CNTNAP3B: variants seen among roughly 807,000 people sequenced by gnomAD.
CNTNAP3B encodes the protein contactin associated protein family member 3B, also known as contactin-associated protein-like 3B.
CNTNAP3B carries 25 observed loss-of-function variants against 108.9 expected under a neutral mutation model. That is an observed-to-expected ratio of 0.23 (90% confidence interval 0.17 to 0.32). The LOEUF (loss-of-function observed/expected upper bound fraction) is 0.32, where lower values mean the gene tolerates loss of function less well. Ranked by LOEUF, CNTNAP3B falls within the 10% of genes least tolerant of loss-of-function variation. The pLI, the probability that CNTNAP3B is intolerant of heterozygous loss-of-function variation, is 1.00. For missense variants in CNTNAP3B, 252 were observed against 1,210.4 expected, an observed-to-expected ratio of 0.21 and a Z score of 11.75; for synonymous variants, 103 against 473.4, an observed-to-expected ratio of 0.22 and a Z score of 10.16.
intron 3 of CNTNAP3B, among the ~76,000 whole-genome samples, chr9:42,033,037 G>T (rs1826551457): frequency 1.4e-5 from 2 of 145,392 alleles, no homozygotes; most frequent in Non-Finnish European, 3.0e-5. Flanking sequence ...TGGAGGAACA[G>T]AATTCTGTCC....
At chr9:41,935,290 G>GA (rs1241108055) in intron 14 of CNTNAP3B, among the ~76,000 whole-genome samples, 15,551 of 145,512 alleles carry the variant, frequency 0.11, 79 homozygotes, top group East Asian at 0.21. Flanking sequence ...ACAACTTATG[G>GA]AAAAATGGCG....
chr9:42,042,563 T>C (rs1237122329), intron 3 of CNTNAP3B, among the ~76,000 whole-genome samples: 1 of 132,828 alleles, frequency 7.5e-6, no homozygotes, highest in Non-Finnish European at 1.6e-5. Context: ...TTAAACAATA[T>C]AGTATAACGA....
chr9:42,051,639 CTTAA>C (rs1328461198), intron 3 of CNTNAP3B, among the ~76,000 whole-genome samples: 2 of 105,918 alleles, frequency 1.9e-5, no homozygotes, highest in Non-Finnish European at 4.1e-5. Flanking sequence ...TTTGAGCTTG[CTTAA>C]TTAATTACTG....
At chr9:42,081,503 T>C (rs1827614535) in intron 2 of CNTNAP3B, among the ~76,000 whole-genome samples, 1 of 136,182 alleles carries the variant, frequency 7.3e-6, no homozygotes, top group South Asian at 2.4e-4. Flanking sequence ...TTTTCAAGCA[T>C]ATTATCATTT....
Position 42,043,029 on chromosome 9 carries a change from C to T in CNTNAP3B, c.391-29504G>A, listed in dbSNP as rs1470581416. Among the ~76,000 whole-genome samples the T allele has an allele frequency of 2.7e-5, 4 of 149,774 alleles. No individual in the cohort carries two copies. In the East Asian group the frequency reaches 7.8e-4, roughly 29 times the overall value. ...CATCATCATAGCTTATGTTTTTGAGCACTTCCCACATACTTCCTTAAGCCC... is the reference window on the plus strand; with the variant it reads ...CATCATCATAGCTTATGTTTTTGAGTACTTCCCACATACTTCCTTAAGCCC... On this transcript the variant is annotated intron_variant, in intron 3 of 23. Transcript: ENST00000377561.
intron 12 of CNTNAP3B, chr9:41,960,379 A>T (rs1243432191): frequency 3.6e-5 from 6 of 168,954 alleles, no homozygotes; most frequent in Non-Finnish European, 5.1e-5. Context: ...TGACATAAAA[A>T]TCACTAAATT....
intron 14 of CNTNAP3B, among the ~76,000 whole-genome samples, chr9:41,935,411 T>G (rs1238747008): frequency 1.3e-5 from 2 of 152,294 alleles, no homozygotes; most frequent in Non-Finnish European, 2.9e-5. Context: ...ATTATAAACT[T>G]TCCACCAGGA....
At chr9:42,118,159 C>T (rs1203004993) in intron 1 of CNTNAP3B, among the ~76,000 whole-genome samples, 1 of 139,244 alleles carries the variant, frequency 7.2e-6, no homozygotes, top group Non-Finnish European at 1.5e-5. Flanking sequence ...AGAGGGAATC[C>T]TTCCTAACTC....
chr9:41,940,354 T>C (rs1235428049), intron 13 of CNTNAP3B, among the ~76,000 whole-genome samples: 8 of 152,270 alleles, frequency 5.3e-5, no homozygotes, highest in Admixed American at 3.9e-4. Flanking sequence ...CCTGAGAGAA[T>C]AACACATTAC....
At chr9:41,977,659 C>T (rs1373397201) in intron 9 of CNTNAP3B, among the ~76,000 whole-genome samples, 1 of 132,392 alleles carries the variant, frequency 7.6e-6, no homozygotes, top group Non-Finnish European at 1.6e-5. Context: ...ACTCTGTCAC[C>T]CAGGCTGGAG....
intron 1 of CNTNAP3B, among the ~76,000 whole-genome samples, chr9:42,117,029 T>C (rs904847564): frequency 7.2e-6 from 1 of 139,032 alleles, no homozygotes; most frequent in African/African-American, 2.9e-5. Flanking sequence ...ATAAAGCAAG[T>C]CCTTAGAGGT....
chr9:41,934,026 C>T (rs541496555), intron 14 of CNTNAP3B, among the ~76,000 whole-genome samples: 201 of 150,838 alleles, frequency 1.3e-3, no homozygotes, highest in African/African-American at 4.7e-3. Flanking sequence ...ACCTGCTTCA[C>T]TTACTCATTC....
In CNTNAP3B at chr9:41,996,228, G is replaced by A. The variant is rs1332909344; in HGVS notation, c.1048C>T (p.His350Tyr). Residue 350 changes from histidine to tyrosine, a missense_variant, in exon 7 of 24, where the codon CAC (histidine) becomes TAC (tyrosine). Transcript: ENST00000377561. The part of the protein sequence containing the change: ...GVDVTELAKK[H>Y]KPQILMMGNV... ...ACCATCATGAGGATCTGTGGTTTGT[G>A]TTTCTTGGCTAATTCGGTAACATCC... 7.4e-7 allele frequency: 1 copy of A among 1,357,396 alleles called. No individual in the cohort carries two copies. Among genetic ancestry groups the A allele is most frequent in the Admixed American group, 2.0e-5 (1 of 51,090 alleles). The allele number at this position is 1,357,396 out of a possible 1,614,324, so 84.1% of individuals were successfully genotyped here. A position where few individuals can be genotyped will look rare whatever the true frequency, so the allele number is the denominator to read the frequency against.
chr9:41,955,119 C>A (rs1313510254), intron 12 of CNTNAP3B, among the ~76,000 whole-genome samples: 2 of 149,420 alleles, frequency 1.3e-5, no homozygotes, highest in Non-Finnish European at 3.0e-5. Flanking sequence ...GATGCTCAAC[C>A]ACATGCCATT....
intron 14 of CNTNAP3B, among the ~76,000 whole-genome samples, chr9:41,931,625 C>T (rs1207200038): frequency 2.7e-5 from 4 of 150,434 alleles, no homozygotes; most frequent in Non-Finnish European, 4.4e-5. Context: ...TTCTGTTATT[C>T]ATTTTAATGC....
At chr9:42,109,023 A>T (rs1828136892) in intron 1 of CNTNAP3B, among the ~76,000 whole-genome samples, 1 of 139,240 alleles carries the variant, frequency 7.2e-6, no homozygotes, top group African/African-American at 2.8e-5. Flanking sequence ...TTAAAAAATC[A>T]ATTTGAGGAA....
chr9:41,982,042 G>A (rs1183242799), intron 9 of CNTNAP3B, among the ~76,000 whole-genome samples: 2 of 78,240 alleles, frequency 2.6e-5, no homozygotes, highest in African/African-American at 1.3e-4. Context: ...TGGGCAACAG[G>A]TGAGACTGAC....
At chr9:41,967,961 C>A (rs1227951152) in intron 10 of CNTNAP3B, among the ~76,000 whole-genome samples, 1 of 152,226 alleles carries the variant, frequency 6.6e-6, no homozygotes, top group Non-Finnish European at 1.5e-5. Context: ...CTTTGGGGTA[C>A]AATTTGGAGG....
intron 12 of CNTNAP3B, among the ~76,000 whole-genome samples, chr9:41,956,360 T>C (rs1005751617): frequency 2.0e-5 from 3 of 152,122 alleles, no homozygotes; most frequent in Admixed American, 2.0e-4. Context: ...TACTCCAGCC[T>C]GGGTGACAGA....
Sources: gnomAD v4.1 joint callset for allele counts (sites outside exome capture counted in the v4.1 genomes callset) on GRCh38, gnomAD v4.1.1 for gene constraint, MANE v1.5 for transcripts, NCBI Gene and HGNC (gene_info 2026-07-23, HGNC 2026-07-21) for gene names.